The following XPR1 variants were observed in gnomAD, a reference collection of about 807,000 sequenced individuals.
XPR1 encodes xenotropic and polytropic retrovirus receptor 1.
XPR1 carries 28 observed loss-of-function variants against 87.5 expected under a neutral mutation model. The observed-to-expected ratio is 0.32, with a 90% CI of 0.24 to 0.44. The LOEUF (loss-of-function observed/expected upper bound fraction) is 0.44. XPR1 is among the 20% of genes least tolerant of loss of function. The probability of loss-of-function intolerance (pLI) is 1.00; values close to 1 mark genes in which losing one functional copy is unlikely to be tolerated. For missense variants in XPR1, 559 were observed against 862.3 expected, an observed-to-expected ratio of 0.65 and a Z score of 4.41; for synonymous variants, 300 against 306.1, an observed-to-expected ratio of 0.98 and a Z score of 0.21.
intron 4 of XPR1, among the ~76,000 whole-genome samples, chr1:180,804,292 G>A (rs1323645228): frequency 2.0e-5 from 3 of 152,098 alleles, no homozygotes; most frequent in African/African-American, 7.2e-5. Context: ...GGCTTTTATA[G>A]TCCTCCTAAC....
intron 7 of XPR1, among the ~76,000 whole-genome samples, chr1:180,820,840 G>A (rs1231796038): frequency 1.3e-5 from 2 of 151,990 alleles, no homozygotes; most frequent in African/African-American, 4.8e-5. Flanking sequence ...ATCTTTTCAT[G>A]TGCTCATTGG....
chr1:180,853,626 GACACACACACACACACAC>G (rs143320476), intron 11 of XPR1, among the ~76,000 whole-genome samples: 26 of 140,332 alleles, frequency 1.9e-4, no homozygotes, highest in African/African-American at 5.8e-4. Flanking sequence ...TTAGACTATA[GACACACACACACACACAC>G]ACACACACAC....
chr1:180,712,404 A>G (rs759821693), intron 2 of XPR1, among the ~76,000 whole-genome samples: 10 of 152,222 alleles, frequency 6.6e-5, no homozygotes, highest in Non-Finnish European at 1.2e-4. Context: ...AAAAATCCCT[A>G]TGAATTGTTT....
chr1:180,783,198 G>A (rs1181391135), intron 2 of XPR1, among the ~76,000 whole-genome samples: 3 of 151,944 alleles, frequency 2.0e-5, no homozygotes, highest in Non-Finnish European at 4.4e-5. Flanking sequence ...AGGCTGTAGT[G>A]AGCCATGAAT....
chr1:180,682,336 A>G (rs1557954551), intron 1 of XPR1, 24 bp from the exon 2 acceptor site: 6 of 1,562,718 alleles, frequency 3.8e-6, no homozygotes, highest in Non-Finnish European at 4.3e-6. Flanking sequence ...GATTTCATAT[A>G]TTGTTTTTCT....
At chr1:180,791,955 G>A (rs937444911) in intron 3 of XPR1, among the ~76,000 whole-genome samples, 3 of 152,168 alleles carry the variant, frequency 2.0e-5, no homozygotes, top group African/African-American at 4.8e-5. Flanking sequence ...GTATTGGCAG[G>A]GCCAGTGAGG....
intron 6 of XPR1, among the ~76,000 whole-genome samples, chr1:180,806,779 C>T (rs1045934140): frequency 6.6e-6 from 1 of 151,796 alleles, no homozygotes; most frequent in African/African-American, 2.4e-5. Flanking sequence ...CTTGTTTATT[C>T]TTACTGACAT....
At chr1:180,727,398 C>T (rs867081004) in intron 2 of XPR1, among the ~76,000 whole-genome samples, 3 of 152,074 alleles carry the variant, frequency 2.0e-5, no homozygotes, top group East Asian at 1.9e-4. Flanking sequence ...TAATCCAGCA[C>T]TTTGGGAGGC....
intron 2 of XPR1, among the ~76,000 whole-genome samples, chr1:180,730,067 A>G (rs947751610): frequency 2.6e-5 from 4 of 152,212 alleles, no homozygotes; most frequent in Middle Eastern, 3.2e-3. Flanking sequence ...GATTTTATAT[A>G]TGGTGTTAGG....
chr1:180,765,912 G>T (rs1648265734), intron 2 of XPR1, among the ~76,000 whole-genome samples: 1 of 151,024 alleles, frequency 6.6e-6, no homozygotes, highest in African/African-American at 2.4e-5. Context: ...TTTCTTTATG[G>T]TGCTAACATA....
intron 11 of XPR1, among the ~76,000 whole-genome samples, chr1:180,839,514 AACTTCAGATT>A (rs144299271): frequency 0.045 from 6,897 of 152,310 alleles, 213 homozygotes; most frequent in Middle Eastern, 0.099. Flanking sequence ...AAAAATCTGG[AACTTCAGATT>A]ACACTCATCT....
At chr1:180,732,927 G>A (rs79035033) in intron 2 of XPR1, among the ~76,000 whole-genome samples, 6,250 of 152,246 alleles carry the variant, frequency 0.041, 163 homozygotes, top group African/African-American at 0.072. Flanking sequence ...GAAGGGAGAT[G>A]GAGTGGGAAG....
chr1:180,788,294 G>A (rs1051740436), intron 3 of XPR1, among the ~76,000 whole-genome samples: 1 of 152,058 alleles, frequency 6.6e-6, no homozygotes, highest in African/African-American at 2.4e-5. Flanking sequence ...TATGCCACTC[G>A]AATGTGAGAA....
intron 2 of XPR1, among the ~76,000 whole-genome samples, chr1:180,705,255 CAG>C (rs995532734): frequency 9.2e-5 from 14 of 152,142 alleles, no homozygotes; most frequent in African/African-American, 3.1e-4. Flanking sequence ...ACCTTCGAAA[CAG>C]AGTGCCAATT....
intron 1 of XPR1, among the ~76,000 whole-genome samples, chr1:180,652,285 C>T (rs1400236783): frequency 2.0e-5 from 3 of 151,932 alleles, no homozygotes. Flanking sequence ...GAGAGCAAGA[C>T]TCCATCTCAA....
intron 7 of XPR1, among the ~76,000 whole-genome samples, chr1:180,820,721 C>A (rs1258147661): frequency 6.6e-6 from 1 of 152,190 alleles, no homozygotes; most frequent in Non-Finnish European, 1.5e-5. Context: ...CTTGCCAACA[C>A]TTGTTTTCTA....
At chr1:180,708,802 T>C (rs966934191) in intron 2 of XPR1, among the ~76,000 whole-genome samples, 1 of 151,686 alleles carries the variant, frequency 6.6e-6, no homozygotes, top group Non-Finnish European at 1.5e-5. Flanking sequence ...TTAACAAAAA[T>C]TTTCCCCAAA....
At chr1:180,806,651 C>A in intron 6 of XPR1, 94 bp downstream of exon 6, 2 of 1,131,612 alleles carry the variant, frequency 1.8e-6, no homozygotes, top group Non-Finnish European at 2.5e-6. Flanking sequence ...AAATTTTCAG[C>A]CAAAGTTTAT....
intron 2 of XPR1, among the ~76,000 whole-genome samples, chr1:180,736,798 A>T (rs1658743172): frequency 6.6e-6 from 1 of 152,158 alleles, no homozygotes; most frequent in South Asian, 2.1e-4. Flanking sequence ...GACCAAAAAG[A>T]GATGAGACAT....
Sources: allele counts gnomAD v4.1 joint callset (sites outside exome capture counted in the v4.1 genomes callset), GRCh38; gene constraint gnomAD v4.1.1; transcripts MANE v1.5; gene names NCBI Gene and HGNC (gene_info 2026-07-23, HGNC 2026-07-21).